The following ZFHX3 variants were observed in gnomAD, a reference collection of about 807,000 sequenced individuals.
The protein encoded by ZFHX3 is zinc finger homeobox protein 3.
ZFHX3 carries 42 observed loss-of-function variants against 279.1 expected under a neutral mutation model. That is an observed-to-expected ratio of 0.15 (90% CI 0.12 to 0.19). The LOEUF (loss-of-function observed/expected upper bound fraction) is 0.19. Ranked by LOEUF, ZFHX3 falls within the 10% of genes least tolerant of loss-of-function variation. The pLI, the probability that ZFHX3 is intolerant of heterozygous loss-of-function variation, is 1.00. For missense variants in ZFHX3, 4,981 were observed against 4,754.0 expected (o/e 1.05, Z -1.40); for synonymous variants, 2,293 against 1,957.8 (o/e 1.17, Z -4.52).
chr16:73,702,362 G>A (rs990146572), intron 1 of ZFHX3, among the ~76,000 whole-genome samples: 1 of 152,122 alleles, frequency 6.6e-6, no homozygotes, highest in African/African-American at 2.4e-5. Flanking sequence ...GCCCAGATGG[G>A]ACACACGGCA....
intron 5 of ZFHX3, among the ~76,000 whole-genome samples, chr16:73,177,757 TAA>T (rs1185536748): frequency 6.6e-6 from 1 of 152,208 alleles, no homozygotes; most frequent in Non-Finnish European, 1.5e-5. Flanking sequence ...CTACTACATA[TAA>T]AGAGTAGGAA....
intron 3 of ZFHX3, among the ~76,000 whole-genome samples, chr16:73,335,225 G>A (rs1259628577): frequency 2.6e-5 from 4 of 152,236 alleles, no homozygotes; most frequent in Admixed American, 2.6e-4. Context: ...TAGGCCCTGG[G>A]TTTTTCCTCA....
intron 1 of ZFHX3, among the ~76,000 whole-genome samples, chr16:73,039,590 T>C (rs1486691602): frequency 6.6e-6 from 1 of 152,164 alleles, no homozygotes; most frequent in Non-Finnish European, 1.5e-5. Context: ...TGTCCTACAA[T>C]GCACAAGGTG....
chr16:73,200,444 T>C (rs1309813702), intron 5 of ZFHX3, among the ~76,000 whole-genome samples: 1 of 152,244 alleles, frequency 6.6e-6, no homozygotes, highest in African/African-American at 2.4e-5. Flanking sequence ...AATAATCATA[T>C]GAAAAATGAT....
At chr16:72,920,439 G>A (rs1005923217) in intron 3 of ZFHX3, among the ~76,000 whole-genome samples, 1 of 151,632 alleles carries the variant, frequency 6.6e-6, no homozygotes, top group African/African-American at 2.4e-5. Flanking sequence ...CAAGCACTTT[G>A]GGAGGCCAAG....
At chr16:72,887,703 G>C (rs1434856536) in intron 4 of ZFHX3, among the ~76,000 whole-genome samples, 2 of 151,282 alleles carry the variant, frequency 1.3e-5, no homozygotes, top group South Asian at 2.1e-4. Context: ...CAGTGTATGT[G>C]GGGGAGGTGC....
At chr16:73,083,537 T>C (rs1279561594) in intron 8 of ZFHX3, 2 of 152,308 alleles carry the variant, frequency 1.3e-5, no homozygotes, top group African/African-American at 4.8e-5. Context: ...CTATTTCTTT[T>C]TTTATTTTTT....
At chr16:73,057,549 AAG>A (rs1377747292) in intron 1 of ZFHX3, among the ~76,000 whole-genome samples, 2 of 149,508 alleles carry the variant, frequency 1.3e-5, no homozygotes, top group Non-Finnish European at 3.0e-5. Flanking sequence ...AAAAAAAAAA[AAG>A]AAGAAGAAGA....
intron 1 of ZFHX3, among the ~76,000 whole-genome samples, chr16:72,970,733 T>C (rs990581935): frequency 6.6e-6 from 1 of 152,200 alleles, no homozygotes; most frequent in Non-Finnish European, 1.5e-5. Context: ...TCAAGGCTTT[T>C]TCATCTCCTC....
intron 2 of ZFHX3, among the ~76,000 whole-genome samples, chr16:73,564,375 A>G (rs1166546739): frequency 6.6e-6 from 1 of 152,170 alleles, no homozygotes; most frequent in East Asian, 1.9e-4. Context: ...GTTCTCATCC[A>G]AAATGCTAGC....
chr16:73,698,210 G>C (rs1468067763), intron 1 of ZFHX3, among the ~76,000 whole-genome samples: 2 of 151,830 alleles, frequency 1.3e-5, no homozygotes, highest in Admixed American at 1.3e-4. Context: ...AGTATCTATA[G>C]AACAAAATAA....
intron 1 of ZFHX3, among the ~76,000 whole-genome samples, chr16:72,994,251 T>C (rs1963197956): frequency 6.6e-6 from 1 of 152,226 alleles, no homozygotes; most frequent in Admixed American, 6.5e-5. Flanking sequence ...TATGAAGAAA[T>C]TATAGACTTT....
chr16:73,868,420 A>T (rs1256631170), intron 1 of ZFHX3, among the ~76,000 whole-genome samples: 2 of 152,244 alleles, frequency 1.3e-5, no homozygotes, highest in East Asian at 3.9e-4. Flanking sequence ...GCTACTCGGG[A>T]GGCCGAGACA....
At chr16:73,032,863 A>G (rs1964759156) in intron 1 of ZFHX3, among the ~76,000 whole-genome samples, 1 of 152,194 alleles carries the variant, frequency 6.6e-6, no homozygotes, top group African/African-American at 2.4e-5. Context: ...CCCTTTAAGC[A>G]TATAAAACCG....
intron 1 of ZFHX3, among the ~76,000 whole-genome samples, chr16:73,843,420 CA>C (rs1351103051): frequency 6.6e-6 from 1 of 152,194 alleles, no homozygotes; most frequent in East Asian, 1.9e-4. Flanking sequence ...CACAAAGAAA[CA>C]AAGCCTTTGC....
chr16:73,455,092 A>G (rs1406334074), intron 3 of ZFHX3, among the ~76,000 whole-genome samples: 1 of 152,198 alleles, frequency 6.6e-6, no homozygotes, highest in East Asian at 1.9e-4. Flanking sequence ...TGACGTTGTC[A>G]GGTGTCCATC....
At chr16:73,136,764 C>G (rs1966804120) in intron 6 of ZFHX3, among the ~76,000 whole-genome samples, 1 of 134,284 alleles carries the variant, frequency 7.4e-6, no homozygotes, top group Non-Finnish European at 1.6e-5. Flanking sequence ...ATGGCCAAAA[C>G]TGCAATGACT....
chr16:73,355,075 G>A (rs973936932), intron 3 of ZFHX3, among the ~76,000 whole-genome samples: 6 of 152,014 alleles, frequency 3.9e-5, no homozygotes, highest in Admixed American at 6.6e-5. Flanking sequence ...ATTTAATGAC[G>A]GGCTAATCTC....
At chr16:73,870,760 G>C (rs1597151716) in intron 1 of ZFHX3, among the ~76,000 whole-genome samples, 1 of 152,156 alleles carries the variant, frequency 6.6e-6, no homozygotes, top group Non-Finnish European at 1.5e-5. Flanking sequence ...GGCAGCACCT[G>C]CTCTCCCTGT....
Sources: gnomAD v4.1 joint callset for allele counts (sites outside exome capture counted in the v4.1 genomes callset) on GRCh38, gnomAD v4.1.1 for gene constraint, MANE v1.5 for transcripts, NCBI Gene and HGNC (gene_info 2026-07-23, HGNC 2026-07-21) for gene names.